KCNN4: variants seen among roughly 807,000 people sequenced by gnomAD.
The protein encoded by KCNN4 is potassium calcium-activated channel subfamily N member 4, also known as intermediate conductance calcium-activated potassium channel protein 4.
KCNN4 carries 31 observed loss-of-function variants against 45.2 expected under a neutral mutation model. That is an observed-to-expected ratio of 0.69 (90% CI 0.52 to 0.92). The LOEUF (loss-of-function observed/expected upper bound fraction) is 0.92, where lower values mean the gene tolerates loss of function less well. Among genes scored for constraint, KCNN4 ranks in the 40% least tolerant of loss-of-function variants. The pLI is 0.00. For missense variants in KCNN4, 463 were observed against 574.0 expected (o/e 0.81, Z 1.98); for synonymous variants, 231 against 254.6 (o/e 0.91, Z 0.88).
rs1969483964 is a variant in KCNN4 at position 43,766,567 on chromosome 19, A to G, written c.*526T>C. On this transcript the variant is annotated 3_prime_UTR_variant, in exon 9 of 9. Coordinates refer to ENST00000648319, the MANE Select transcript of KCNN4 (RefSeq NM_002250.3). ...TAACATTTATTACAAAGATAAGAGC[A>G]GAGGCTGGTGAGTTACACTTCTTCC... 1 of 152,322 alleles carries G rather than the reference A, an allele frequency of 6.6e-6. No individual in the cohort carries two copies. Among genetic ancestry groups the G allele is most frequent in the Admixed American group, 6.5e-5 (1 of 15,284 alleles). 9.4% of individuals were successfully genotyped at this position (152,322 alleles called of 1,614,324 possible).
Position 43,774,969 on chromosome 19 carries a change from GA to G in KCNN4, c.256-351del. ...CTAGAGCTTGCATTCCACATGCCTG[GA>G]GCTCGCTCCTACTCCCCTTTCGGTT... On this transcript the variant is annotated intron_variant, in intron 2 of 8. Coordinates refer to ENST00000648319, the MANE Select transcript of KCNN4 (RefSeq NM_002250.3). This position sits in a 1 kb window ranked among gnomAD's most constrained non-coding sequence, Gnocchi z 5.6. 6.6e-6 allele frequency among the ~76,000 whole-genome samples: 1 copy of G among 152,264 alleles called. No homozygotes were observed. The highest frequency in any genetic ancestry group is 2.1e-4 in the South Asian group (1 of 4,828).
intron 1 of KCNN4, among the ~76,000 whole-genome samples, chr19:43,779,483 TC>T (rs1969912100): frequency 6.6e-6 from 1 of 152,022 alleles, no homozygotes; most frequent in African/African-American, 2.4e-5. Flanking sequence ...CCCTCAGGAA[TC>T]TACCCAATCT....
In KCNN4 at chr19:43,769,543, G is replaced by A; in HGVS notation, c.948C>T (p.Ala316=). Residue 316 remains alanine, a synonymous_variant, in exon 6 of 9, where the codon GCC becomes GCT. Transcript: ENST00000648319. The surrounding 1 kb of genome is among the most constrained non-coding windows in gnomAD (Gnocchi z 4.4). The stretch of plus-strand genomic sequence containing the variant: ...ACATCCAGGCTTCTTGTAGCACTCG[G>A]GCAGCGGACTCCTTCATCTGGGGGT... The part of the protein sequence containing the change: ...QYTKEMKESA[A]RVLQEAWMFY... 6.2e-7 allele frequency: 1 copy of A among 1,614,172 alleles called. No homozygotes were observed.
intron 1 of KCNN4, among the ~76,000 whole-genome samples, chr19:43,779,971 A>G (rs1180481662): frequency 6.6e-6 from 1 of 151,920 alleles, no homozygotes; most frequent in Non-Finnish European, 1.5e-5. Flanking sequence ...TTTGTTTCCC[A>G]TTTCCCATCC....
intron 4 of KCNN4, among the ~76,000 whole-genome samples, chr19:43,771,201 G>T (rs1032969032): frequency 1.3e-5 from 2 of 152,146 alleles, no homozygotes; most frequent in African/African-American, 4.8e-5. Context: ...TCAGGGTTCA[G>T]GAAGAGGCTG....
At chr19:43,767,459 C>T (rs914648117) in intron 8 of KCNN4, 81 bp downstream of exon 8, 30 of 1,496,522 alleles carry the variant, frequency 2.0e-5, no homozygotes, top group South Asian at 1.1e-4. Context: ...AGCCATCCCC[C>T]GCCCCCTTAG....
chr19:43,768,550 A>G (rs1969546040), intron 7 of KCNN4, among the ~76,000 whole-genome samples: 1 of 152,244 alleles, frequency 6.6e-6, no homozygotes, highest in Admixed American at 6.5e-5. Context: ...TTACGGAAAC[A>G]ATGTCACCTG....
chr19:43,777,198 T>A (rs139301882), intron 1 of KCNN4, among the ~76,000 whole-genome samples: 1 of 152,128 alleles, frequency 6.6e-6, no homozygotes, highest in East Asian at 1.9e-4. Context: ...TCTACCCTCT[T>A]CCTCAGCTCT....
chr19:43,769,631 G>T lies in KCNN4; in HGVS notation c.931-71C>A. On this transcript the variant is annotated intron_variant, in intron 5 of 8. Transcript: ENST00000648319. This position sits in a 1 kb window ranked among gnomAD's most constrained non-coding sequence, Gnocchi z 4.4. Reference sequence around the variant, plus strand: ...TCTGGGAAGGCAGGGCTAGGGCTGGGACTCTTGGGTCCTAGGGGAAGCAGG... The same window carrying T: ...TCTGGGAAGGCAGGGCTAGGGCTGGTACTCTTGGGTCCTAGGGGAAGCAGG... 1 of 1,567,956 alleles carries T rather than the reference G, an allele frequency of 6.4e-7. No homozygotes were observed. The highest frequency in any genetic ancestry group is 8.8e-7 in the Non-Finnish European group (1 of 1,138,456).
At chr19:43,778,776 C>T (rs1176456971) in intron 1 of KCNN4, among the ~76,000 whole-genome samples, 1 of 152,172 alleles carries the variant, frequency 6.6e-6, no homozygotes. Context: ...TTCCCTTGGA[C>T]TCCCTAGGGT....
intron 4 of KCNN4, among the ~76,000 whole-genome samples, chr19:43,771,424 C>T (rs1286625215): frequency 6.6e-6 from 1 of 152,164 alleles, no homozygotes; most frequent in Non-Finnish European, 1.5e-5. Flanking sequence ...GAAAGTGAGG[C>T]CCCGAGAGAT....
chr19:43,769,433 G>A lies in KCNN4; in HGVS notation c.1049+9C>T, dbSNP rs200298378. On this transcript the variant is annotated intron_variant, in intron 6 of 8. Transcript: ENST00000648319. This position sits in a 1 kb window ranked among gnomAD's most constrained non-coding sequence, Gnocchi z 4.4. ...ACATGGACACGTGTGCATACAAAGCGGCCCTCACGCGTTGATGGCGGCCAG... is the reference window on the plus strand; with the variant it reads ...ACATGGACACGTGTGCATACAAAGCAGCCCTCACGCGTTGATGGCGGCCAG... 6.2e-5 allele frequency: 99 copies of A among 1,608,500 alleles called. No individual in the cohort carries two copies. Among genetic ancestry groups the A allele is most frequent in the East Asian group, 6.7e-5 (3 of 44,860 alleles).
At chr19:43,767,957 G>A (rs1003441973) in intron 7 of KCNN4, among the ~76,000 whole-genome samples, 17 of 152,308 alleles carry the variant, frequency 1.1e-4, no homozygotes, top group Admixed American at 2.6e-4. Flanking sequence ...TACAGCTGAG[G>A]AAACAGGCAT....
intron 1 of KCNN4, among the ~76,000 whole-genome samples, chr19:43,777,672 CT>C (rs1555725484): frequency 1.1e-3 from 165 of 146,412 alleles, no homozygotes; most frequent in Middle Eastern, 3.5e-3. Context: ...GAAATTGTTC[CT>C]TTTTTTTTTT....
At chr19:43,776,898 G>C (rs115079015) in intron 1 of KCNN4, 5,066 of 415,046 alleles carry the variant, frequency 0.012, 209 homozygotes, top group African/African-American at 0.093. Context: ...GGGAGTTTGA[G>C]ACCCCCTGGC....
At position 43,774,635 on chromosome 19, in the gene KCNN4, CAAG is replaced by C; in HGVS notation, c.256-19_256-17del. ...TCATGAACAGCTGCCGGTAGGGGGC[CAAG>C]AAGGGAGGGGTCAGGAGCAGGTCAG... On this transcript the variant is annotated splice_polypyrimidine_tract_variant and intron_variant, in intron 2 of 8. Transcript: ENST00000648319. The surrounding 1 kb of genome is among the most constrained non-coding windows in gnomAD (Gnocchi z 5.6). 6.7e-7 allele frequency: 1 copy of C among 1,486,088 alleles called. No individual in the cohort carries two copies. The highest frequency in any genetic ancestry group is 8.9e-7 in the Non-Finnish European group (1 of 1,127,104). The allele number at this position is 1,486,088 out of a possible 1,614,324, so 92.1% of individuals were successfully genotyped here. A position where few individuals can be genotyped will look rare whatever the true frequency, so the allele number is the denominator to read the frequency against.
In KCNN4 at chr19:43,774,085, T is replaced by A; in HGVS notation, c.683+107A>T. 8.4e-7 allele frequency: 1 copy of A among 1,190,910 alleles called. No individual in the cohort carries two copies. Among genetic ancestry groups the A allele is most frequent in the Non-Finnish European group, 1.2e-6 (1 of 856,576 alleles). 73.8% of individuals were successfully genotyped at this position (1,190,910 alleles called of 1,614,324 possible). A position where few individuals can be genotyped will look rare whatever the true frequency, so the allele number is the denominator to read the frequency against. ...GGAGAAGGGGTCAAAGTGTGAACTT[T>A]CTCCACTGCTTGGTCCTAGGGGGCC... On this transcript the variant is annotated intron_variant, in intron 3 of 8. Coordinates refer to ENST00000648319, the MANE Select transcript of KCNN4 (RefSeq NM_002250.3). The surrounding 1 kb of genome is among the most constrained non-coding windows in gnomAD (Gnocchi z 5.6).
In KCNN4 at chr19:43,769,629, G is replaced by T; in HGVS notation, c.931-69C>A. ...GTTCTGGGAAGGCAGGGCTAGGGCT[G>T]GGACTCTTGGGTCCTAGGGGAAGCA... is the stretch of plus-strand genomic sequence containing the variant. On this transcript the variant is annotated intron_variant, in intron 5 of 8. Coordinates refer to ENST00000648319, the MANE Select transcript of KCNN4 (RefSeq NM_002250.3). This position sits in a 1 kb window ranked among gnomAD's most constrained non-coding sequence, Gnocchi z 4.4. 6.4e-7 allele frequency: 1 copy of T among 1,564,576 alleles called. No homozygotes were observed. The highest frequency in any genetic ancestry group is 2.2e-5 in the East Asian group (1 of 44,562).
chr19:43,771,651 G>A (rs1969647033), intron 4 of KCNN4, among the ~76,000 whole-genome samples: 1 of 152,138 alleles, frequency 6.6e-6, no homozygotes, highest in South Asian at 2.1e-4. Flanking sequence ...TCTAGAGAGA[G>A]CAAGGACTTA....
Sources: allele counts gnomAD v4.1 joint callset (sites outside exome capture counted in the v4.1 genomes callset), GRCh38; gene constraint gnomAD v4.1.1; non-coding constraint Gnocchi (gnomAD v3.1); transcripts MANE v1.5; gene names NCBI Gene and HGNC (gene_info 2026-07-23, HGNC 2026-07-21).